Variants in NACC2 observed in about 807,000 individuals in gnomAD.
The protein encoded by NACC2 is NACC family member 2.
Under a neutral mutation model 25.1 loss-of-function variants are expected in NACC2, and 8 were observed. The observed-to-expected ratio is 0.32, with a 90% CI of 0.19 to 0.57. The LOEUF (loss-of-function observed/expected upper bound fraction) is 0.57. NACC2 is among the 20% of genes least tolerant of loss of function. The probability of loss-of-function intolerance (pLI) is 0.89; values close to 1 mark genes in which losing one functional copy is unlikely to be tolerated. For synonymous variants in NACC2, 435 were observed against 294.7 expected, an observed-to-expected ratio of 1.48 and a Z score of -4.88; for missense variants, 644 against 650.2, an observed-to-expected ratio of 0.99 and a Z score of 0.10.
chr9:136,024,047 G>C (rs1040512106), intron 2 of NACC2, among the ~76,000 whole-genome samples: 1 of 152,150 alleles, frequency 6.6e-6, no homozygotes, highest in African/African-American at 2.4e-5. Flanking sequence ...CAGAGTGTGT[G>C]GGGACAGCGT....
At chr9:136,053,693 C>T (rs1840882849) in intron 1 of NACC2, among the ~76,000 whole-genome samples, 1 of 152,224 alleles carries the variant, frequency 6.6e-6, no homozygotes, top group African/African-American at 2.4e-5. Context: ...ACCCACTGCG[C>T]CCACCACCAG....
intron 1 of NACC2, among the ~76,000 whole-genome samples, chr9:136,071,639 T>C (rs535949239): frequency 6.8e-6 from 1 of 147,550 alleles, no homozygotes; most frequent in East Asian, 2.0e-4. Flanking sequence ...GGAATGAAAA[T>C]AGCTAAGACA....
intron 1 of NACC2, among the ~76,000 whole-genome samples, chr9:136,079,113 C>G (rs571034119): frequency 6.6e-6 from 1 of 151,224 alleles, no homozygotes; most frequent in East Asian, 1.9e-4. Flanking sequence ...AACCTGAAAT[C>G]TACTCACGTA....
chr9:136,014,994 C>T (rs200353628), intron 3 of NACC2, among the ~76,000 whole-genome samples: 1 of 152,094 alleles, frequency 6.6e-6, no homozygotes, highest in Non-Finnish European at 1.5e-5. Flanking sequence ...CTGAAGGACA[C>T]GATGTCCAGG....
intron 1 of NACC2, among the ~76,000 whole-genome samples, chr9:136,061,909 C>G (rs1841016046): frequency 6.6e-6 from 1 of 152,144 alleles, no homozygotes; most frequent in East Asian, 1.9e-4. Context: ...CACCTGAGGT[C>G]AGGAGTTCGA....
intron 1 of NACC2, among the ~76,000 whole-genome samples, chr9:136,072,307 A>G (rs987358363): frequency 2.6e-5 from 4 of 152,066 alleles, no homozygotes; most frequent in African/African-American, 9.7e-5. Context: ...GCACATTGGG[A>G]GGCCACGGTG....
At position 136,042,003 on chromosome 9, in the gene NACC2, C is replaced by CTTT. The variant is rs1165327538; in HGVS notation, c.886+7630_886+7632dup. ...CTACGATAATCCTTCAAAACAATTT[C>CTTT]TTTTTTTTTGAGACAGAGTCTCACT... On this transcript the variant is annotated intron_variant, in intron 2 of 5. Coordinates refer to ENST00000277554, the MANE Select transcript of NACC2 (RefSeq NM_144653.5). Among the ~76,000 whole-genome samples, 164 of 151,476 alleles carry CTTT rather than the reference C, an allele frequency of 1.1e-3. 1 individual carries two copies. The highest frequency in any genetic ancestry group is 3.3e-3 in the African/African-American group (136 of 41,334).
rs34316222 is a variant in NACC2 at position 136,037,512 on chromosome 9, ATT to A, written c.886+12122_886+12123del. 1.3e-3 allele frequency among the ~76,000 whole-genome samples: 182 copies of A among 143,594 alleles called. 2 individuals carry two copies. The highest frequency in any genetic ancestry group is 3.5e-3 in the East Asian group (17 of 4,884). The allele number at this position is 143,594 out of a possible 152,430, so 94.2% of individuals were successfully genotyped here. ...TGATTTTGTATGCACTTAAATTTTC[ATT>A]TTTTTTTTTTTGAGACAGAGTCTAG... On this transcript the variant is annotated intron_variant, in intron 2 of 5. Coordinates refer to ENST00000277554, the MANE Select transcript of NACC2 (RefSeq NM_144653.5).
In NACC2 at chr9:136,038,495, G is replaced by A. The variant is rs372452714; in HGVS notation, c.886+11141C>T. Reference sequence around the variant, plus strand: ...GCAGAGGGTATAGTGAGTTGAGATCGTGCCACTGCATTCCAGCCTGGGTGA... The same window carrying A: ...GCAGAGGGTATAGTGAGTTGAGATCATGCCACTGCATTCCAGCCTGGGTGA... On this transcript the variant is annotated intron_variant, in intron 2 of 5. Coordinates refer to ENST00000277554, the MANE Select transcript of NACC2 (RefSeq NM_144653.5). 2.2e-3 allele frequency among the ~76,000 whole-genome samples: 332 copies of A among 152,292 alleles called. 9 individuals carry two copies. In the South Asian group the frequency reaches 0.053, roughly 24 times the overall value.
At chr9:136,042,925 GACAC>G (rs1268437133) in intron 2 of NACC2, among the ~76,000 whole-genome samples, 6 of 124,506 alleles carry the variant, frequency 4.8e-5, no homozygotes, top group African/African-American at 9.5e-5. Context: ...GAGACAAACA[GACAC>G]ACACAGAGAC....
At chr9:136,094,776 G>A (rs1564247594) in intron 1 of NACC2, among the ~76,000 whole-genome samples, 2 of 151,994 alleles carry the variant, frequency 1.3e-5, no homozygotes, top group Non-Finnish European at 2.9e-5. Flanking sequence ...GTCCTGCCCC[G>A]GCTTCCCCAC....
chr9:136,016,545 T>TG, intron 2 of NACC2, 116 bp from the exon 3 acceptor site: 1 of 1,260,312 alleles, frequency 7.9e-7, no homozygotes, highest in South Asian at 1.4e-5. Flanking sequence ...TCTGCCCACC[T>TG]GGGCCCAGGT....
At chr9:136,048,525 G>A (rs1840762097) in intron 2 of NACC2, among the ~76,000 whole-genome samples, 1 of 152,258 alleles carries the variant, frequency 6.6e-6, no homozygotes, top group African/African-American at 2.4e-5. Flanking sequence ...CCTGTGAGCT[G>A]GCATTCTGTG....
chr9:136,057,822 C>T (rs562444984), intron 1 of NACC2, among the ~76,000 whole-genome samples: 2 of 152,286 alleles, frequency 1.3e-5, no homozygotes, highest in African/African-American at 4.8e-5. Flanking sequence ...CCACTGGGGC[C>T]GGGGGTTGTG....
chr9:136,075,567 T>G (rs566060876), intron 1 of NACC2, among the ~76,000 whole-genome samples: 101 of 152,358 alleles, frequency 6.6e-4, no homozygotes, highest in Non-Finnish European at 9.0e-4. Context: ...TGAGGACGCA[T>G]CTTCTTTTAT....
At chr9:136,035,491 A>G (rs1258223880) in intron 2 of NACC2, among the ~76,000 whole-genome samples, 2 of 152,224 alleles carry the variant, frequency 1.3e-5, no homozygotes, top group African/African-American at 4.8e-5. Context: ...AGGCTGAGAC[A>G]CTATTCTAGA....
At chr9:136,066,420 G>A (rs151211222) in intron 1 of NACC2, among the ~76,000 whole-genome samples, 40 of 152,216 alleles carry the variant, frequency 2.6e-4, no homozygotes, top group African/African-American at 7.0e-4. Context: ...ATCATTAGCC[G>A]TCAGGGAAAT....
chr9:136,056,912 A>G (rs1840932877), intron 1 of NACC2, among the ~76,000 whole-genome samples: 1 of 152,194 alleles, frequency 6.6e-6, no homozygotes, highest in Non-Finnish European at 1.5e-5. Flanking sequence ...CAAATCCACA[A>G]TTCCGTGTAT....
At chr9:136,024,067 AGGCCAGAGTGTGAGTGAG>A (rs1341851695) in intron 2 of NACC2, among the ~76,000 whole-genome samples, 9 of 151,210 alleles carry the variant, frequency 6.0e-5, no homozygotes, top group African/African-American at 1.9e-4. Context: ...TGTGTGTGTG[AGGCCAGAGTGTGAGTGAG>A]GGCCAGAGTG....
Sources: gnomAD v4.1 joint callset for allele counts (sites outside exome capture counted in the v4.1 genomes callset) on GRCh38, gnomAD v4.1.1 for gene constraint, MANE v1.5 for transcripts, NCBI Gene and HGNC (gene_info 2026-07-23, HGNC 2026-07-21) for gene names.